DCC: variants seen among roughly 807,000 people sequenced by gnomAD.
The protein encoded by DCC is DCC netrin 1 receptor.
DCC carries 58 observed loss-of-function variants against 172.5 expected under a neutral mutation model. The ratio of observed to expected loss-of-function variants is 0.34; its 90% CI spans 0.27 to 0.42. The LOEUF (loss-of-function observed/expected upper bound fraction) is 0.42, where lower values mean the gene tolerates loss of function less well. Among genes scored for constraint, DCC ranks in the 10% least tolerant of loss-of-function variants. The pLI is 1.00. For missense variants in DCC, 1,740 were observed against 1,791.0 expected, an observed-to-expected ratio of 0.97 and a Z score of 0.51; for synonymous variants, 709 against 644.5, an observed-to-expected ratio of 1.10 and a Z score of -1.52.
chr18:52,748,898 T>C (rs1028178269), intron 1 of DCC, among the ~76,000 whole-genome samples: 2 of 152,094 alleles, frequency 1.3e-5, no homozygotes, highest in African/African-American at 4.8e-5. Context: ...ATTTGATTGG[T>C]TAAAAAGCAT....
At chr18:52,876,024 C>A (rs188169875) in intron 2 of DCC, among the ~76,000 whole-genome samples, 1 of 151,376 alleles carries the variant, frequency 6.6e-6, no homozygotes. Context: ...TCCTTCCTTA[C>A]GTTTGCCTTC....
chr18:52,520,100 G>A (rs1039467210), intron 1 of DCC, among the ~76,000 whole-genome samples: 11 of 152,184 alleles, frequency 7.2e-5, no homozygotes, highest in Non-Finnish European at 1.2e-4. Context: ...TGAAGCACCA[G>A]TCATCCAAGG....
At chr18:53,102,975 A>G (rs569093901) in intron 7 of DCC, among the ~76,000 whole-genome samples, 1 of 152,094 alleles carries the variant, frequency 6.6e-6, no homozygotes, top group Non-Finnish European at 1.5e-5. Flanking sequence ...TTTCAGAGAG[A>G]ATTTTGAAAA....
At chr18:53,325,244 G>A (rs1281206901) in intron 14 of DCC, among the ~76,000 whole-genome samples, 2 of 150,000 alleles carry the variant, frequency 1.3e-5, no homozygotes, top group African/African-American at 4.9e-5. Context: ...GTCCAGTGTA[G>A]GTGATCAGAG....
rs765145781 is a variant in DCC at position 53,410,626 on chromosome 18, T to A, written c.3110T>A (p.Ile1037Asn). ...SKGVGPLSDPILFRTLKVEHP... is the reference protein window; with the variant it reads ...SKGVGPLSDPNLFRTLKVEHP... ...GGAGTGGGGCCACTCTCTGATCCTA[T>A]CCTCTTCAGGACTCTGAAAGGTTTG... The change falls in exon 20 of 29, where the codon ATC (isoleucine) becomes AAC (asparagine). Residue 1037 changes from isoleucine to asparagine, a missense_variant. Physicochemically the swap from Ile to Asn is moderately radical, Grantham distance 149. This residue lies in a region of DCC where 1,732 missense variants were observed against 1,767.4 expected (regional missense o/e 0.98). Transcript: ENST00000442544. The A allele has an allele frequency of 3.1e-6, 5 of 1,597,014 alleles. No individual in the cohort carries two copies. The highest frequency in any genetic ancestry group is 1.7e-5 in the Admixed American group (1 of 59,930).
chr18:52,674,973 G>T (rs552832035), intron 1 of DCC, among the ~76,000 whole-genome samples: 32 of 152,276 alleles, frequency 2.1e-4, no homozygotes, highest in Non-Finnish European at 3.4e-4. Flanking sequence ...CCTGGAGGCT[G>T]CTTCTGCATG....
chr18:53,427,974 AAT>A (rs57570548), intron 21 of DCC, among the ~76,000 whole-genome samples: 3 of 41,978 alleles, frequency 7.1e-5, no homozygotes, highest in Non-Finnish European at 1.9e-4. Flanking sequence ...TATAATATAT[AAT>A]ATAATATAAT....
chr18:53,285,178 G>T (rs2056921649), intron 12 of DCC, among the ~76,000 whole-genome samples: 1 of 152,188 alleles, frequency 6.6e-6, no homozygotes, highest in Non-Finnish European at 1.5e-5. Context: ...GTAACAAGGA[G>T]CTGAATGTTA....
At chr18:53,016,051 G>A (rs1404846441) in intron 5 of DCC, among the ~76,000 whole-genome samples, 1 of 151,980 alleles carries the variant, frequency 6.6e-6, no homozygotes, top group Non-Finnish European at 1.5e-5. Context: ...TAAATGAACA[G>A]AGCCAAAAAC....
Position 52,340,688 on chromosome 18 carries a change from C to A in DCC, c.-100C>A. 1 of 870,546 alleles carries A rather than the reference C, an allele frequency of 1.1e-6. No homozygotes were observed. 53.9% of individuals were successfully genotyped at this position (870,546 alleles called of 1,614,324 possible). A position where few individuals can be genotyped will look rare whatever the true frequency, so the allele number is the denominator to read the frequency against. ...GAGGAGGAGGAGGAAGCCGAAGGGG[C>A]TCGGCGCGTGTGTGTGCATGTGTGC... On this transcript the variant is annotated 5_prime_UTR_variant, in exon 1 of 29. Transcript: ENST00000442544.
intron 2 of DCC, among the ~76,000 whole-genome samples, chr18:52,831,446 A>G (rs1217867420): frequency 6.6e-6 from 1 of 152,150 alleles, no homozygotes; most frequent in Non-Finnish European, 1.5e-5. Context: ...GAAGCCAGTT[A>G]AGCTGTTGCA....
At chr18:52,477,497 GAGA>G (rs1989127571) in intron 1 of DCC, among the ~76,000 whole-genome samples, 1 of 152,214 alleles carries the variant, frequency 6.6e-6, no homozygotes, top group East Asian at 1.9e-4. Flanking sequence ...AACAGGTTCA[GAGA>G]AGGCCATGAA....
intron 7 of DCC, among the ~76,000 whole-genome samples, chr18:53,125,281 T>G (rs2144300573): frequency 6.6e-6 from 1 of 152,182 alleles, no homozygotes; most frequent in Admixed American, 6.5e-5. Context: ...AGTACCTTTC[T>G]TTTTCACAGA....
intron 1 of DCC, among the ~76,000 whole-genome samples, chr18:52,453,585 A>C (rs1988372245): frequency 6.6e-6 from 1 of 152,224 alleles, no homozygotes; most frequent in South Asian, 2.1e-4. Context: ...TAAAATGGCT[A>C]GTAGCTTTTA....
At chr18:53,301,182 C>T (rs192101845) in intron 12 of DCC, among the ~76,000 whole-genome samples, 30 of 149,570 alleles carry the variant, frequency 2.0e-4, no homozygotes, top group South Asian at 2.1e-4. Flanking sequence ...CTCCACCTTC[C>T]GGGTTCAAGC....
intron 7 of DCC, among the ~76,000 whole-genome samples, chr18:53,120,532 T>C (rs763467779): frequency 1.3e-5 from 2 of 151,858 alleles, no homozygotes; most frequent in Non-Finnish European, 2.9e-5. Context: ...TATGTTCTGC[T>C]TACCTTTATG....
chr18:53,370,005 G>T (rs894004251), intron 15 of DCC, among the ~76,000 whole-genome samples: 1 of 151,562 alleles, frequency 6.6e-6, no homozygotes, highest in Admixed American at 6.6e-5. Flanking sequence ...CTCCTCTTCA[G>T]TTTTTTGAAA....
intron 7 of DCC, 32 bp from the exon 8 acceptor site, chr18:53,157,324 A>T: frequency 2.5e-6 from 4 of 1,613,644 alleles, no homozygotes; most frequent in Non-Finnish European, 3.4e-6. Context: ...TGGCAGCGAC[A>T]CCTCTGATAG....
chr18:52,391,132 T>C (rs540236371), intron 1 of DCC, among the ~76,000 whole-genome samples: 1 of 152,194 alleles, frequency 6.6e-6, no homozygotes, highest in African/African-American at 2.4e-5. Flanking sequence ...ATTTTGAAGA[T>C]GAAGGAACAG....
Sources: gnomAD v4.1 joint callset for allele counts (sites outside exome capture counted in the v4.1 genomes callset) on GRCh38, gnomAD v4.1.1 for gene constraint, gnomAD v4.1.1 regional missense constraint, MANE v1.5 for transcripts, NCBI Gene and HGNC (gene_info 2026-07-23, HGNC 2026-07-21) for gene names.